Variants in DENND1C observed in about 807,000 individuals in gnomAD.
The protein encoded by DENND1C is DENN domain containing 1C, also known as DENN domain-containing protein 1C.
DENND1C carries 64 observed loss-of-function variants against 87.9 expected under a neutral mutation model. The ratio of observed to expected loss-of-function variants is 0.73; its 90% CI spans 0.60 to 0.90. The LOEUF (loss-of-function observed/expected upper bound fraction) is 0.90. Ranked by LOEUF, DENND1C falls within the 40% of genes least tolerant of loss-of-function variation. The probability of loss-of-function intolerance (pLI) is 0.00; values close to 1 mark genes in which losing one functional copy is unlikely to be tolerated. For synonymous variants in DENND1C, 384 were observed against 424.4 expected (o/e 0.90, Z 1.17); for missense variants, 980 against 1,037.0 (o/e 0.95, Z 0.76).
intron 1 of DENND1C, among the ~76,000 whole-genome samples, chr19:6,480,943 GC>G (rs144687498): frequency 0.027 from 4,037 of 151,834 alleles, 93 homozygotes; most frequent in Non-Finnish European, 0.037. Flanking sequence ...GAGTGTGTGT[GC>G]CCGAGCAAGT....
chr19:6,470,078 G>T, intron 18 of DENND1C: 1 of 540,382 alleles, frequency 1.9e-6, no homozygotes, highest in Non-Finnish European at 3.2e-6. Context: ...GGGCGGAGGG[G>T]GGCGGGTAGG....
Position 6,481,668 on chromosome 19 carries a change from G to T in DENND1C, c.17+11C>A. ...CTTGTACCAGAGAATGAGGGATGGG[G>T]TGGCTCTTACTCAGCTCTGGATTCC... On this transcript the variant is annotated intron_variant, in intron 1 of 22. Coordinates refer to ENST00000381480, the MANE Select transcript of DENND1C (RefSeq NM_024898.4). The T allele has an allele frequency of 1.2e-6, 2 of 1,611,166 alleles. No homozygotes were observed. Among genetic ancestry groups the T allele is most frequent in the Non-Finnish European group, 1.7e-6 (2 of 1,178,562 alleles).
chr19:6,471,129 A>C, intron 17 of DENND1C, 136 bp downstream of exon 17: 8 of 1,194,508 alleles, frequency 6.7e-6, no homozygotes, highest in Non-Finnish European at 9.4e-6. Flanking sequence ...TTTTTTCAGT[A>C]GAGATGGGGT....
rs1487453734 is a variant in DENND1C, at chr19:6,475,761, G to A, written c.780-10C>T. On this transcript the variant is annotated splice_polypyrimidine_tract_variant and intron_variant, in intron 11 of 22. Coordinates refer to ENST00000381480, the MANE Select transcript of DENND1C (RefSeq NM_024898.4). Reference sequence around the variant, plus strand: ...GTAGGGCATGGGCGCGCTGCGGACCGAGGGGACGGGGTCATGCAGGCACCG... The same window carrying A: ...GTAGGGCATGGGCGCGCTGCGGACCAAGGGGACGGGGTCATGCAGGCACCG... The A allele has an allele frequency of 3.2e-6, 5 of 1,552,748 alleles. No homozygotes were observed. Among genetic ancestry groups the A allele is most frequent in the Non-Finnish European group, 3.5e-6 (4 of 1,147,322 alleles).
chr19:6,474,520 G>C (rs1001915954), intron 14 of DENND1C, among the ~76,000 whole-genome samples: 1 of 152,198 alleles, frequency 6.6e-6, no homozygotes, highest in Non-Finnish European at 1.5e-5. Flanking sequence ...TATGGAAAAT[G>C]GGACTATCAC....
At chr19:6,480,126 G>A (rs923405535) in intron 1 of DENND1C, 75 bp from the exon 2 acceptor site, 35 of 1,546,532 alleles carry the variant, frequency 2.3e-5, no homozygotes, top group Non-Finnish European at 2.7e-5. Context: ...GCACACAAGT[G>A]TGGTTGTGTG....
chr19:6,468,941 C>T lies in DENND1C; in HGVS notation c.1420G>A (p.Val474Ile). 1.4e-6 allele frequency: 2 copies of T among 1,442,844 alleles called. No individual in the cohort carries two copies. Among genetic ancestry groups the T allele is most frequent in the Non-Finnish European group, 9.1e-7 (1 of 1,100,226 alleles). 89.4% of individuals were successfully genotyped at this position (1,442,844 alleles called of 1,614,324 possible). A position where few individuals can be genotyped will look rare whatever the true frequency, so the allele number is the denominator to read the frequency against. Residue 474 changes from valine (V) to isoleucine (I), a missense_variant, in exon 20 of 23, where the codon GTC becomes ATC. Val to Ile is a conservative substitution (Grantham distance 29). Transcript: ENST00000381480. ...CTCAGAGAGCCCCCCCTCTGCAGGA[C>T]AGAGTCCCCATCCTAGGAAGAGAAG... ...SLLMYKDGDS[V>I]LQRGGSLRAP...
intron 1 of DENND1C, 86 bp downstream of exon 1, chr19:6,481,593 T>G: frequency 6.3e-7 from 1 of 1,589,900 alleles, no homozygotes. Flanking sequence ...CTCCCGGGCC[T>G]GCTCCAGCCC....
chr19:6,481,463 T>TATAG (rs1555751420), intron 1 of DENND1C, among the ~76,000 whole-genome samples: 1 of 147,894 alleles, frequency 6.8e-6, no homozygotes, highest in Non-Finnish European at 1.5e-5. Context: ...AGGAGCTGGA[T>TATAG]AGAGAGAGAG....
At chr19:6,473,320 A>G (rs996419714) in intron 14 of DENND1C, among the ~76,000 whole-genome samples, 2 of 151,782 alleles carry the variant, frequency 1.3e-5, no homozygotes, top group Admixed American at 1.3e-4. Context: ...ATGTCCAGCT[A>G]ATTTTTGTAT....
chr19:6,472,976 GA>G lies in DENND1C; in HGVS notation c.1070del (p.Phe357SerfsTer73). 1 of 1,572,704 alleles carries G rather than the reference GA, an allele frequency of 6.4e-7. No homozygotes were observed. The highest frequency in any genetic ancestry group is 1.9e-5 in the Admixed American group (1 of 53,488). On this transcript the variant is annotated frameshift_variant, in exon 15 of 23. Transcript: ENST00000381480. LOFTEE classifies it high-confidence loss of function. ...TCTGGGCCAAGAAGACTTCCTCACT[GA>G]AGGTCACTGGCTGGCCCTGGAAGAA... ...LVCSPGQPVT[F>X]SEEVFLAQKP...
In DENND1C at chr19:6,481,739, C is replaced by A. The variant is rs777595159; in HGVS notation, c.-44G>T. The A allele has an allele frequency of 9.2e-6, 14 of 1,521,718 alleles. No individual in the cohort carries two copies. The African/African-American group carries it at 1.4e-4, about 16-fold the overall frequency. 94.3% of individuals were successfully genotyped at this position (1,521,718 alleles called of 1,614,324 possible). ...CCAGCGGGGCCCTCTCCCCAGGGGT[C>A]CTGGGGGCCTGTGTATGCTGGGCCC... On this transcript the variant is annotated 5_prime_UTR_variant, in exon 1 of 23. Transcript: ENST00000381480.
rs62107586 is a variant in DENND1C at position 6,468,320 on chromosome 19, T to A, written c.1705A>T (p.Met569Leu). ...LLSEILDSLSMGAKSAGSLRP... is the reference protein window; with the variant it reads ...LLSEILDSLSLGAKSAGSLRP... The stretch of plus-strand genomic sequence containing the variant: ...AGGCTGCCTGCGCTCTTGGCTCCCA[T>A]GCTAAGACTGTCCAGAATCTCGCTC... The change falls in exon 22 of 23, where the codon ATG becomes TTG. Residue 569 changes from methionine (M) to leucine (L), a missense_variant. Physicochemically the swap from Met to Leu is conservative, Grantham distance 15 (BLOSUM62 2). Transcript: ENST00000381480. 1 of 1,613,116 alleles carries A rather than the reference T, an allele frequency of 6.2e-7. No homozygotes were observed. The highest frequency in any genetic ancestry group is 1.3e-5 in the African/African-American group (1 of 74,800).
chr19:6,473,455 G>GTTTTTTTTTTTTTTTTTTT (rs1568396646), intron 14 of DENND1C, among the ~76,000 whole-genome samples: 1 of 135,586 alleles, frequency 7.4e-6, no homozygotes, highest in Non-Finnish European at 1.5e-5. Context: ...GCCCAGCCCT[G>GTTTTTTTTTTTTTTTTTTT]GTTTTTTTTT....
Position 6,467,474 on chromosome 19 carries a change from G to A in DENND1C, c.*30C>T, listed in dbSNP as rs1204797677. 6.6e-7 allele frequency: 1 copy of A among 1,506,936 alleles called. No individual in the cohort carries two copies. Among genetic ancestry groups the A allele is most frequent in the Non-Finnish European group, 8.9e-7 (1 of 1,128,702 alleles). The allele number at this position is 1,506,936 out of a possible 1,614,324, so 93.3% of individuals were successfully genotyped here. ...TTTGGGCTCTTGTGGCTTTATTGAG[G>A]GACTGGGGTCTCTCTTGGACCCCTG... On this transcript the variant is annotated 3_prime_UTR_variant, in exon 23 of 23. Coordinates refer to ENST00000381480, the MANE Select transcript of DENND1C (RefSeq NM_024898.4).
rs1390910885 is a variant in DENND1C, at chr19:6,467,980, G to T, written c.1930C>A (p.Pro644Thr). ...SSKDSRSQLI[P>T]SESDQEVTSP... Reference sequence around the variant, plus strand: ...GTGACTTCTTGGTCGGACTCTGAGGGTATCAGCTGGGACCTGGAGTCCTTT... The same window carrying T: ...GTGACTTCTTGGTCGGACTCTGAGGTTATCAGCTGGGACCTGGAGTCCTTT... Residue 644 changes from proline to threonine, a missense_variant, in exon 23 of 23, where the codon CCC (proline) becomes ACC (threonine). Transcript: ENST00000381480. The T allele has an allele frequency of 3.7e-6, 6 of 1,613,908 alleles. No homozygotes were observed. Among genetic ancestry groups the T allele is most frequent in the Non-Finnish European group, 5.1e-6 (6 of 1,179,868 alleles).
intron 10 of DENND1C, chr19:6,476,565 C>T: frequency 2.7e-6 from 1 of 365,964 alleles, no homozygotes; most frequent in Admixed American, 4.4e-5. Flanking sequence ...GTGTATAAGT[C>T]CCTAGTTCTC....
chr19:6,479,941 G>GCCC, intron 2 of DENND1C, 39 bp from the exon 3 acceptor site: 1 of 1,590,164 alleles, frequency 6.3e-7, no homozygotes. Context: ...AGCGACCCAG[G>GCCC]CCCACCCTCC....
rs141830432 is a variant in DENND1C, at chr19:6,467,608, G to T, written c.2302C>A (p.Pro768Thr). 695 of 1,580,128 alleles carry T rather than the reference G, an allele frequency of 4.4e-4. 5 individuals carry two copies. The East Asian group carries it at 0.012, about 28-fold the overall frequency. ...ERAHLQPREEPGALNSPATPT... is the reference protein window; with the variant it reads ...ERAHLQPREETGALNSPATPT... ...GTAGCAGGGGAATTCAGGGCTCCTGGTTCCTCCCGTGGCTGGAGGTGAGCG... is the reference window on the plus strand; with the variant it reads ...GTAGCAGGGGAATTCAGGGCTCCTGTTTCCTCCCGTGGCTGGAGGTGAGCG... The change falls in exon 23 of 23, where the codon CCA (proline) becomes ACA (threonine). Residue 768 changes from proline to threonine, a missense_variant. Pro to Thr is a conservative substitution (Grantham distance 38). Transcript: ENST00000381480.
Sources: gnomAD v4.1 joint callset for allele counts (sites outside exome capture counted in the v4.1 genomes callset) on GRCh38, gnomAD v4.1.1 for gene constraint, MANE v1.5 for transcripts, NCBI Gene and HGNC (gene_info 2026-07-23, HGNC 2026-07-21) for gene names.